Variants in CD302 observed in about 807,000 individuals in gnomAD.
CD302 encodes the protein CD302 molecule.
In CD302, 23 loss-of-function variants were observed where a neutral mutation model predicts 26.5. The observed-to-expected ratio is 0.87, with a 90% CI of 0.62 to 1.23. The LOEUF is 1.23. CD302 is among the 50% of genes most tolerant of loss of function. The pLI is 0.00. For synonymous variants in CD302, 90 were observed against 99.4 expected (o/e 0.91, Z 0.56); for missense variants, 290 against 275.5 (o/e 1.05, Z -0.37).
In CD302 at chr2:159,782,414, CAAAAAAAAAA is replaced by C. The variant is rs72068957; in HGVS notation, c.178+935_178+944del. On this transcript the variant is annotated intron_variant, in intron 2 of 5. Transcript: ENST00000259053. ...GGCGACAGAGCGAGACTCCATCTCA[CAAAAAAAAAA>C]AAAAAAAAAAAAAAAGACATTTTTT... Among the ~76,000 whole-genome samples, 132 of 70,714 alleles carry C rather than the reference CAAAAAAAAAA, an allele frequency of 1.9e-3. 1 individual carries two copies. The highest frequency in any genetic ancestry group is 6.8e-3 in the African/African-American group (112 of 16,560). The allele number at this position is 70,714 out of a possible 152,430, so 46.4% of individuals were successfully genotyped here.
At chr2:159,777,406 C>G (rs567917164) in intron 5 of CD302, among the ~76,000 whole-genome samples, 1 of 152,152 alleles carries the variant, frequency 6.6e-6, no homozygotes, top group Non-Finnish European at 1.5e-5. Context: ...GGAACTTGGA[C>G]GCACTGCCAG....
intron 1 of CD302, among the ~76,000 whole-genome samples, chr2:159,797,422 A>G (rs1682483529): frequency 6.6e-6 from 1 of 152,230 alleles, no homozygotes; most frequent in Non-Finnish European, 1.5e-5. Context: ...TTTTAAAAAT[A>G]AAGACCACGG....
chr2:159,771,447 T>G lies in CD302; in HGVS notation c.*404A>C, dbSNP rs1379860365. On this transcript the variant is annotated 3_prime_UTR_variant, in exon 6 of 6. Coordinates refer to ENST00000259053, the MANE Select transcript of CD302 (RefSeq NM_014880.5). ...ATAACAATTATCAAAGATATTTAAA[T>G]GTATGGGATGTACTTAAAATCACTT... The G allele has an allele frequency of 1.3e-5, 2 of 154,938 alleles. No individual in the cohort carries two copies. Among genetic ancestry groups the G allele is most frequent in the African/African-American group, 4.8e-5 (2 of 41,494 alleles). 9.6% of individuals were successfully genotyped at this position (154,938 alleles called of 1,614,324 possible).
intron 1 of CD302, among the ~76,000 whole-genome samples, chr2:159,784,402 C>T (rs948976293): frequency 5.3e-5 from 6 of 114,198 alleles, no homozygotes; most frequent in Admixed American, 2.6e-4. Context: ...GTCGTCCTGG[C>T]TGGAGTGCAG....
intron 5 of CD302, 141 bp from the exon 6 acceptor site, chr2:159,772,194 T>C (rs571909501): frequency 3.4e-6 from 3 of 894,184 alleles, no homozygotes; most frequent in South Asian, 3.6e-5. Flanking sequence ...ACCAAAAATT[T>C]CGCATTTGTT....
chr2:159,771,821 T>C lies in CD302; in HGVS notation c.*30A>G, dbSNP rs369067540. On this transcript the variant is annotated 3_prime_UTR_variant, in exon 6 of 6. Transcript: ENST00000259053. ...AAGTTATCTCTGCCAGGGCATTTTG[T>C]TGATGTCTTAGTGCAAGATTACCAA... 23 of 1,608,402 alleles carry C rather than the reference T, an allele frequency of 1.4e-5. No homozygotes were observed. Among genetic ancestry groups the C allele is most frequent in the Non-Finnish European group, 2.0e-5 (23 of 1,175,852 alleles).
intron 1 of CD302, among the ~76,000 whole-genome samples, chr2:159,790,607 A>T (rs1708781618): frequency 6.6e-6 from 1 of 152,104 alleles, no homozygotes; most frequent in Non-Finnish European, 1.5e-5. Flanking sequence ...AATTTTGATT[A>T]TTCTTTCTCT....
At chr2:159,773,171 A>G (rs567200243) in intron 5 of CD302, among the ~76,000 whole-genome samples, 3 of 152,184 alleles carry the variant, frequency 2.0e-5, no homozygotes, top group Non-Finnish European at 4.4e-5. Context: ...GCACGCCATG[A>G]TGTCCAGCTA....
At chr2:159,777,258 A>G (rs1708362867) in intron 5 of CD302, among the ~76,000 whole-genome samples, 1 of 152,228 alleles carries the variant, frequency 6.6e-6, no homozygotes, top group African/African-American at 2.4e-5. Context: ...AGATATACAA[A>G]TAAATAATCA....
At chr2:159,786,598 T>C (rs1708672463) in intron 1 of CD302, among the ~76,000 whole-genome samples, 1 of 152,142 alleles carries the variant, frequency 6.6e-6, no homozygotes, top group Non-Finnish European at 1.5e-5. Context: ...CCTCCCAAAG[T>C]GCTGGGATTA....
rs1213873293 is a variant in CD302 at position 159,770,896 on chromosome 2, T to A, written c.*955A>T. The A allele has an allele frequency of 6.6e-6, 1 of 152,176 alleles. No homozygotes were observed. Among genetic ancestry groups the A allele is most frequent in the Admixed American group, 6.5e-5 (1 of 15,280 alleles). 9.4% of individuals were successfully genotyped at this position (152,176 alleles called of 1,614,324 possible). ...ACGTGAAATTTATACATTCTTTATC[T>A]TTCCTGTTTTTGGTTTATTGATGGT... is the stretch of plus-strand genomic sequence containing the variant. On this transcript the variant is annotated 3_prime_UTR_variant, in exon 6 of 6. Transcript: ENST00000259053.
intron 5 of CD302, among the ~76,000 whole-genome samples, chr2:159,776,359 T>TCAAA (rs770886447): frequency 2.0e-5 from 3 of 152,164 alleles, no homozygotes; most frequent in Non-Finnish European, 4.4e-5. Context: ...TACACAAATA[T>TCAAA]CAAACAGATG....
intron 5 of CD302, among the ~76,000 whole-genome samples, chr2:159,777,219 C>CA (rs1243598621): frequency 6.6e-6 from 1 of 152,190 alleles, no homozygotes; most frequent in Non-Finnish European, 1.5e-5. Flanking sequence ...CCACTGCACT[C>CA]CGCAAATGGG....
intron 2 of CD302, 59 bp downstream of exon 2, chr2:159,783,299 AT>A: frequency 1.5e-6 from 2 of 1,363,546 alleles, no homozygotes; most frequent in Non-Finnish European, 2.0e-6. Flanking sequence ...TTTTAAAGAA[AT>A]TAATGAACAC....
intron 1 of CD302, among the ~76,000 whole-genome samples, chr2:159,785,234 CG>C (rs1186361112): frequency 6.6e-6 from 1 of 152,080 alleles, no homozygotes; most frequent in African/African-American, 2.4e-5. Flanking sequence ...CTTGGGCTTC[CG>C]AAGTGCTGGG....
chr2:159,774,652 T>A (rs1393352223), intron 5 of CD302, among the ~76,000 whole-genome samples: 4 of 152,326 alleles, frequency 2.6e-5, no homozygotes, highest in Admixed American at 6.5e-5. Context: ...TCCTGCCTGA[T>A]GTCTACTTAT....
chr2:159,786,461 A>G (rs1018533104), intron 1 of CD302, among the ~76,000 whole-genome samples: 3 of 151,164 alleles, frequency 2.0e-5, no homozygotes, highest in African/African-American at 7.3e-5. Flanking sequence ...AGCCTCCCCA[A>G]TAGCTGGGAT....
Position 159,771,725 on chromosome 2 carries a change from ATG to A in CD302, c.*124_*125del. On this transcript the variant is annotated 3_prime_UTR_variant, in exon 6 of 6. Transcript: ENST00000259053. ...TTTCACAGCAGATGAGTACATAAAA[ATG>A]TTACTGGAATAAGGAATACCATTAA... 9.0e-7 allele frequency: 1 copy of A among 1,116,406 alleles called. No individual in the cohort carries two copies. The highest frequency in any genetic ancestry group is 1.3e-6 in the Non-Finnish European group (1 of 793,516). 69.2% of individuals were successfully genotyped at this position (1,116,406 alleles called of 1,614,324 possible). A position where few individuals can be genotyped will look rare whatever the true frequency, so the allele number is the denominator to read the frequency against.
intron 5 of CD302, among the ~76,000 whole-genome samples, chr2:159,776,392 C>T (rs533966637): frequency 9.3e-4 from 142 of 152,194 alleles, no homozygotes; most frequent in African/African-American, 3.3e-3. Flanking sequence ...TTAAAGAGTC[C>T]TTGCTTTCAG....
Sources: allele counts gnomAD v4.1 joint callset (sites outside exome capture counted in the v4.1 genomes callset), GRCh38; gene constraint gnomAD v4.1.1; transcripts MANE v1.5; gene names NCBI Gene and HGNC (gene_info 2026-07-23, HGNC 2026-07-21).